SCUBE1: variants seen among roughly 807,000 people sequenced by gnomAD.
SCUBE1 encodes signal peptide, CUB and EGF-like domain-containing protein 1.
In SCUBE1, 59 loss-of-function variants were observed where a neutral mutation model predicts 124.4. The ratio of observed to expected loss-of-function variants is 0.47; its 90% confidence interval spans 0.38 to 0.59. The LOEUF is 0.59. SCUBE1 is among the 20% of genes least tolerant of loss of function. The pLI is 0.00. For missense variants in SCUBE1, 1,150 were observed against 1,371.2 expected (o/e 0.84, Z 2.55); for synonymous variants, 545 against 550.9 (o/e 0.99, Z 0.15).
chr22:43,204,039 C>G lies in SCUBE1; in HGVS notation c.2925G>C (p.Leu975=). 1.2e-6 allele frequency: 2 copies of G among 1,614,146 alleles called. No homozygotes were observed. The highest frequency in any genetic ancestry group is 2.2e-5 in the East Asian group (1 of 44,878). ...GGAACCGAGACACTTTGGAGCGCAG[C>G]AGTTTGATGAAGGACCGTGGGAACA... The part of the protein sequence containing the change: ...KEMFPRSFIK[L]LRSKVSRFLR... Residue 975 remains leucine (L), a synonymous_variant, in exon 22 of 22, where the codon CTG becomes CTC. Transcript: ENST00000360835.
intron 5 of SCUBE1, among the ~76,000 whole-genome samples, chr22:43,260,049 C>G (rs1923815195): frequency 6.6e-6 from 1 of 151,714 alleles, no homozygotes; most frequent in Admixed American, 6.6e-5. Context: ...GGGGAGAGAC[C>G]CAGGTGGAAC....
chr22:43,280,248 C>T (rs1924711248), intron 4 of SCUBE1, among the ~76,000 whole-genome samples: 2 of 152,056 alleles, frequency 1.3e-5, no homozygotes, highest in African/African-American at 4.8e-5. Flanking sequence ...GAACAAGGCC[C>T]CACCTTGTCC....
intron 7 of SCUBE1, among the ~76,000 whole-genome samples, chr22:43,236,915 A>T (rs1289840648): frequency 6.6e-6 from 1 of 152,186 alleles, no homozygotes; most frequent in Non-Finnish European, 1.5e-5. Context: ...CCCAGAAAAC[A>T]CACCTGTTCC....
At chr22:43,250,025 G>T (rs1374018430) in intron 6 of SCUBE1, among the ~76,000 whole-genome samples, 1 of 152,260 alleles carries the variant, frequency 6.6e-6, no homozygotes, top group Non-Finnish European at 1.5e-5. Flanking sequence ...CTGGCACCGC[G>T]CTAAGCACCT....
At chr22:43,217,763 C>T (rs2146664084) in intron 15 of SCUBE1, among the ~76,000 whole-genome samples, 1 of 152,088 alleles carries the variant, frequency 6.6e-6, no homozygotes, top group Admixed American at 6.5e-5. Flanking sequence ...CTCCAGCGCA[C>T]ACCCGCCCGC....
intron 3 of SCUBE1, among the ~76,000 whole-genome samples, chr22:43,317,328 G>A (rs1926384937): frequency 6.6e-6 from 1 of 152,196 alleles, no homozygotes; most frequent in Admixed American, 6.5e-5. Context: ...GCGATCTTGG[G>A]AAGTGGATTA....
At chr22:43,303,802 C>A (rs1925863076) in intron 3 of SCUBE1, among the ~76,000 whole-genome samples, 1 of 152,250 alleles carries the variant, frequency 6.6e-6, no homozygotes, top group South Asian at 2.1e-4. Context: ...AACAATCCTA[C>A]AGTTTAGACA....
At chr22:43,333,186 A>G (rs1408777658) in intron 2 of SCUBE1, among the ~76,000 whole-genome samples, 1 of 152,130 alleles carries the variant, frequency 6.6e-6, no homozygotes, top group Admixed American at 6.5e-5. Context: ...GTTTCTTCCA[A>G]CTCCACACAG....
At chr22:43,312,591 T>A (rs1926208818) in intron 3 of SCUBE1, among the ~76,000 whole-genome samples, 1 of 152,012 alleles carries the variant, frequency 6.6e-6, no homozygotes, top group Non-Finnish European at 1.5e-5. Context: ...TACAGTTGGA[T>A]GGGGTAAGAC....
chr22:43,223,889 G>T (rs1449884688), intron 10 of SCUBE1, among the ~76,000 whole-genome samples: 1 of 152,188 alleles, frequency 6.6e-6, no homozygotes, highest in African/African-American at 2.4e-5. Context: ...CAGGCTTCCA[G>T]GTTCAGTCAA....
intron 8 of SCUBE1, among the ~76,000 whole-genome samples, chr22:43,231,285 C>T (rs1365952553): frequency 6.6e-6 from 1 of 152,264 alleles, no homozygotes; most frequent in Non-Finnish European, 1.5e-5. Flanking sequence ...GCTCCTGCTG[C>T]ATCCTGGATC....
chr22:43,308,136 A>G (rs1424879839), intron 3 of SCUBE1, among the ~76,000 whole-genome samples: 1 of 152,218 alleles, frequency 6.6e-6, no homozygotes, highest in East Asian at 1.9e-4. Context: ...ATTTGGGAAA[A>G]GAAGGAAGCG....
At chr22:43,314,844 T>C (rs1217642581) in intron 3 of SCUBE1, among the ~76,000 whole-genome samples, 1 of 152,098 alleles carries the variant, frequency 6.6e-6, no homozygotes. Context: ...GGTCATTAGT[T>C]AGGAATATTT....
chr22:43,278,460 TG>T (rs760031340), intron 4 of SCUBE1, among the ~76,000 whole-genome samples: 11 of 152,312 alleles, frequency 7.2e-5, no homozygotes, highest in Non-Finnish European at 1.2e-4. Context: ...TGGAAAGCCC[TG>T]GAACAGGGCA....
chr22:43,298,107 G>T (rs372461083), intron 3 of SCUBE1, among the ~76,000 whole-genome samples: 1 of 152,216 alleles, frequency 6.6e-6, no homozygotes, highest in Non-Finnish European at 1.5e-5. Context: ...GCTATCTAGC[G>T]GCTCTTGCAA....
intron 3 of SCUBE1, among the ~76,000 whole-genome samples, chr22:43,303,597 C>T (rs1425607280): frequency 6.6e-6 from 1 of 152,238 alleles, no homozygotes; most frequent in Admixed American, 6.5e-5. Context: ...GGGGCACTCG[C>T]TTGGCTGAGG....
chr22:43,230,596 C>T (rs949957291), intron 8 of SCUBE1, among the ~76,000 whole-genome samples: 1 of 152,336 alleles, frequency 6.6e-6, no homozygotes, highest in Middle Eastern at 3.4e-3. Flanking sequence ...GCAAGGCCAA[C>T]AGAGAAACAA....
chr22:43,279,022 G>A (rs1373872994), intron 4 of SCUBE1, among the ~76,000 whole-genome samples: 1 of 152,192 alleles, frequency 6.6e-6, no homozygotes, highest in African/African-American at 2.4e-5. Flanking sequence ...GAGAGGCAGA[G>A]TGGAAGACAG....
intron 6 of SCUBE1, among the ~76,000 whole-genome samples, chr22:43,243,364 C>G (rs377098909): frequency 2.6e-5 from 4 of 152,170 alleles, no homozygotes; most frequent in Non-Finnish European, 5.9e-5. Flanking sequence ...GGCTGGGGCT[C>G]GAAAGCATGT....
Sources: gnomAD v4.1 joint callset for allele counts (sites outside exome capture counted in the v4.1 genomes callset) on GRCh38, gnomAD v4.1.1 for gene constraint, MANE v1.5 for transcripts, NCBI Gene and HGNC (gene_info 2026-07-23, HGNC 2026-07-21) for gene names.